Variants in ATXN7 observed in about 807,000 individuals in gnomAD.
The protein encoded by ATXN7 is ataxin-7.
Under a neutral mutation model 70.5 loss-of-function variants are expected in ATXN7, and 12 were observed. That is an observed-to-expected ratio of 0.17 (90% CI 0.11 to 0.28). The LOEUF is 0.28. ATXN7 is among the 10% of genes least tolerant of loss of function. The pLI is 1.00. For missense variants in ATXN7, 1,256 were observed against 1,131.7 expected, an observed-to-expected ratio of 1.11 and a Z score of -1.58; for synonymous variants, 498 against 448.7, an observed-to-expected ratio of 1.11 and a Z score of -1.39.
intron 8 of ATXN7, among the ~76,000 whole-genome samples, chr3:63,983,522 G>A (rs993962157): frequency 1.3e-5 from 2 of 151,960 alleles, no homozygotes; most frequent in African/African-American, 4.8e-5. Context: ...ATGCCTGTAA[G>A]TCCCAGCTAG....
intron 4 of ATXN7, among the ~76,000 whole-genome samples, chr3:63,935,276 G>T (rs2074639036): frequency 6.6e-6 from 1 of 152,182 alleles, no homozygotes; most frequent in Admixed American, 6.5e-5. Flanking sequence ...ACCAAGGGGA[G>T]CACTGTCTCC....
At position 63,995,960 on chromosome 3, in the gene ATXN7, T is replaced by C. The variant is rs2075752059; in HGVS notation, c.2138T>C (p.Leu713Pro). Residue 713 changes from leucine (L) to proline (P), a missense_variant, in exon 12 of 13, where the codon CTG becomes CCG. Leu to Pro is a moderately conservative substitution (Grantham distance 98). Coordinates refer to ENST00000674280, the MANE Select transcript of ATXN7 (RefSeq NM_001377405.1). Reference sequence around the variant, plus strand: ...AAGAAACGCAAAAACAGTTCCCCACTGTTGGTTCACTCTTCCTCCTCCTCT... The same window carrying C: ...AAGAAACGCAAAAACAGTTCCCCACCGTTGGTTCACTCTTCCTCCTCCTCT... Reference protein sequence around the residue: ...SGKKRKNSSPLLVHSSSSSSS... With the variant: ...SGKKRKNSSPPLVHSSSSSSS... 6.2e-7 allele frequency: 1 copy of C among 1,614,030 alleles called. No homozygotes were observed. The highest frequency in any genetic ancestry group is 1.3e-5 in the African/African-American group (1 of 74,916).
At chr3:63,975,674 A>C (rs1487713524) in intron 5 of ATXN7, among the ~76,000 whole-genome samples, 1 of 152,180 alleles carries the variant, frequency 6.6e-6, no homozygotes, top group Non-Finnish European at 1.5e-5. Flanking sequence ...ATAACTTTAA[A>C]AAAATCTCAG....
intron 5 of ATXN7, among the ~76,000 whole-genome samples, chr3:63,966,750 C>T (rs945696820): frequency 8.5e-5 from 13 of 152,320 alleles, no homozygotes; most frequent in African/African-American, 2.6e-4. Flanking sequence ...CTTCCCCGCA[C>T]CTTTCAGGCT....
In ATXN7 at chr3:63,990,827, G is replaced by A; in HGVS notation, c.1650G>A (p.Met550Ile). 1 of 1,614,218 alleles carries A rather than the reference G, an allele frequency of 6.2e-7. No homozygotes were observed. Among genetic ancestry groups the A allele is most frequent in the Non-Finnish European group, 8.5e-7 (1 of 1,180,044 alleles). The change falls in exon 11 of 13, where the codon ATG becomes ATA. Residue 550 changes from methionine to isoleucine, a missense_variant. Physicochemically the swap from Met to Ile is conservative, Grantham distance 10 (BLOSUM62 1). Coordinates refer to ENST00000674280, the MANE Select transcript of ATXN7 (RefSeq NM_001377405.1). The part of the protein sequence containing the change: ...WNRLRCALNL[M>I]VEKHLNAQLW... The stretch of plus-strand genomic sequence containing the variant: ...GACTTCGCTGCGCCCTCAACCTCAT[G>A]GTGGAGAAGCATCTGAATGCACAGC...
At chr3:63,959,099 T>G (rs1270070168) in intron 5 of ATXN7, among the ~76,000 whole-genome samples, 1 of 152,204 alleles carries the variant, frequency 6.6e-6, no homozygotes, top group African/African-American at 2.4e-5. Context: ...GATAATTGAT[T>G]TAGCGTAGTC....
intron 8 of ATXN7, among the ~76,000 whole-genome samples, chr3:63,984,146 A>G (rs373682434): frequency 6.6e-6 from 1 of 152,014 alleles, no homozygotes; most frequent in African/African-American, 2.4e-5. Flanking sequence ...TTGTCTTACA[A>G]CAGTGGTTCA....
chr3:63,883,398 C>G (rs758621360), intron 1 of ATXN7, among the ~76,000 whole-genome samples: 1 of 152,054 alleles, frequency 6.6e-6, no homozygotes, highest in Admixed American at 6.6e-5. Flanking sequence ...GAAGAATTGT[C>G]CAGTGTGTGT....
chr3:63,990,489 G>A (rs2068678569), intron 10 of ATXN7, 115 bp downstream of exon 10: 1 of 1,358,354 alleles, frequency 7.4e-7, no homozygotes, highest in Non-Finnish European at 1.0e-6. Flanking sequence ...CGGTCAAGGT[G>A]TGAGAGAAGT....
At chr3:63,940,777 A>G (rs754848939) in intron 4 of ATXN7, among the ~76,000 whole-genome samples, 17 of 152,214 alleles carry the variant, frequency 1.1e-4, no homozygotes, top group Admixed American at 3.3e-4. Context: ...AAACCAAGCT[A>G]AGTGGTAGAC....
chr3:63,945,738 A>G (rs1322804423), intron 4 of ATXN7, among the ~76,000 whole-genome samples: 5 of 152,216 alleles, frequency 3.3e-5, no homozygotes, highest in African/African-American at 1.2e-4. Flanking sequence ...GCACAGCTGG[A>G]TGAATGTTTA....
chr3:63,984,931 C>T (rs1172175777), intron 8 of ATXN7, among the ~76,000 whole-genome samples: 1 of 152,142 alleles, frequency 6.6e-6, no homozygotes, highest in Admixed American at 6.5e-5. Context: ...TTCAAGCTTA[C>T]CTCATACTTG....
intron 2 of ATXN7, chr3:63,900,644 A>G (rs1703601302): frequency 6.6e-6 from 1 of 152,338 alleles, no homozygotes; most frequent in Non-Finnish European, 1.5e-5. Context: ...AAGAGGAAAC[A>G]TGTTTGGCAG....
At chr3:63,897,600 G>A (rs1559623664) in intron 1 of ATXN7, among the ~76,000 whole-genome samples, 1 of 152,290 alleles carries the variant, frequency 6.6e-6, no homozygotes, top group East Asian at 1.9e-4. Context: ...TTTATAGCCA[G>A]TGAGAATTAT....
intron 1 of ATXN7, among the ~76,000 whole-genome samples, chr3:63,883,512 G>A (rs751120818): frequency 3.3e-5 from 5 of 151,596 alleles, no homozygotes; most frequent in Non-Finnish European, 7.4e-5. Flanking sequence ...CTCTGTGTTT[G>A]TGTTCAGCTG....
intron 5 of ATXN7, among the ~76,000 whole-genome samples, chr3:63,971,863 A>C (rs2075317479): frequency 6.6e-6 from 1 of 152,246 alleles, no homozygotes; most frequent in Non-Finnish European, 1.5e-5. Context: ...GAATAACAAA[A>C]GTTTAGGGAA....
At chr3:63,975,460 T>C (rs1228977568) in intron 5 of ATXN7, among the ~76,000 whole-genome samples, 1 of 152,232 alleles carries the variant, frequency 6.6e-6, no homozygotes, top group African/African-American at 2.4e-5. Context: ...GCTTGACATA[T>C]ATCCTTCTAG....
chr3:63,986,240 G>GAGC (rs1234543407), intron 8 of ATXN7, among the ~76,000 whole-genome samples: 5 of 152,176 alleles, frequency 3.3e-5, no homozygotes, highest in African/African-American at 1.2e-4. Flanking sequence ...AAGGAGCAGG[G>GAGC]AGCAGTAAGC....
intron 11 of ATXN7, among the ~76,000 whole-genome samples, chr3:63,992,729 C>T (rs2075691740): frequency 2.0e-5 from 3 of 152,136 alleles, no homozygotes; most frequent in African/African-American, 7.2e-5. Flanking sequence ...AGAAGGAAAC[C>T]AACCCTTTCC....
Sources: allele counts gnomAD v4.1 joint callset (sites outside exome capture counted in the v4.1 genomes callset), GRCh38; gene constraint gnomAD v4.1.1; transcripts MANE v1.5; gene names NCBI Gene and HGNC (gene_info 2026-07-23, HGNC 2026-07-21).